The following LTBP1 variants were observed in gnomAD, a reference collection of about 807,000 sequenced individuals.
LTBP1 encodes the protein latent-transforming growth factor beta-binding protein 1.
A neutral mutation model predicts 207.6 loss-of-function variants in LTBP1; 129 were observed. That is an observed-to-expected ratio of 0.62 (90% CI 0.54 to 0.72). The LOEUF (loss-of-function observed/expected upper bound fraction) is 0.72, where lower values mean the gene tolerates loss of function less well. Ranked by LOEUF, LTBP1 falls within the 30% of genes least tolerant of loss-of-function variation. The pLI is 0.00. For missense variants in LTBP1, 2,281 were observed against 2,217.2 expected (o/e 1.03, Z -0.58); for synonymous variants, 963 against 833.7 (o/e 1.16, Z -2.67).
chr2:33,329,418 TTTAA>T (rs1273927061), intron 24 of LTBP1, among the ~76,000 whole-genome samples: 2 of 152,174 alleles, frequency 1.3e-5, no homozygotes, highest in Non-Finnish European at 2.9e-5. Flanking sequence ...AGTCCAGTGT[TTTAA>T]TTGTTTTATT....
intron 31 of LTBP1, among the ~76,000 whole-genome samples, chr2:33,377,009 C>T (rs1032523554): frequency 4.6e-5 from 7 of 152,094 alleles, no homozygotes; most frequent in Admixed American, 1.3e-4. Flanking sequence ...AAGCAATGGG[C>T]AAGGAAGCCA....
At chr2:32,979,309 C>G (rs919408590) in intron 2 of LTBP1, among the ~76,000 whole-genome samples, 2 of 151,460 alleles carry the variant, frequency 1.3e-5, no homozygotes, top group African/African-American at 4.8e-5. Flanking sequence ...TAAAGTTTTT[C>G]TACTTTTTTG....
At chr2:33,251,432 G>T (rs142122265) in intron 10 of LTBP1, among the ~76,000 whole-genome samples, 17 of 152,096 alleles carry the variant, frequency 1.1e-4, no homozygotes, top group Admixed American at 4.6e-4. Context: ...AGGCCGAGGC[G>T]TGCGGATCAC....
intron 4 of LTBP1, among the ~76,000 whole-genome samples, chr2:33,111,991 T>C (rs2080439645): frequency 6.6e-6 from 1 of 152,240 alleles, no homozygotes; most frequent in African/African-American, 2.4e-5. Context: ...TTCTTGAGTA[T>C]ATGTGTAATA....
intron 10 of LTBP1, among the ~76,000 whole-genome samples, chr2:33,245,589 T>G (rs817535): frequency 6.6e-6 from 1 of 151,948 alleles, no homozygotes; most frequent in Non-Finnish European, 1.5e-5. Context: ...GTGGTAAAAT[T>G]AGACCATAAA....
intron 23 of LTBP1, among the ~76,000 whole-genome samples, chr2:33,314,704 T>A (rs547772069): frequency 1.3e-5 from 2 of 152,334 alleles, no homozygotes; most frequent in South Asian, 4.1e-4. Flanking sequence ...TGTCTAGCCT[T>A]GCCCTTAAGA....
intron 3 of LTBP1, among the ~76,000 whole-genome samples, chr2:33,087,722 A>G (rs1465902687): frequency 1.3e-5 from 2 of 152,354 alleles, no homozygotes; most frequent in Non-Finnish European, 2.9e-5. Flanking sequence ...CACATTGTTT[A>G]TAAAGTGCCG....
At chr2:33,222,667 T>A (rs2091191287) in intron 9 of LTBP1, among the ~76,000 whole-genome samples, 1 of 152,162 alleles carries the variant, frequency 6.6e-6, no homozygotes, top group South Asian at 2.1e-4. Context: ...GTACTTTTGT[T>A]TGGTTTATGT....
intron 24 of LTBP1, among the ~76,000 whole-genome samples, chr2:33,318,500 T>A (rs1339676440): frequency 2.0e-5 from 3 of 152,210 alleles, no homozygotes; most frequent in African/African-American, 7.2e-5. Flanking sequence ...ATACATTAAG[T>A]GTTTATAACA....
chr2:33,325,548 A>G (rs921954102), intron 24 of LTBP1, among the ~76,000 whole-genome samples: 15 of 152,230 alleles, frequency 9.9e-5, no homozygotes, highest in African/African-American at 3.4e-4. Flanking sequence ...CCAGATATAA[A>G]TACGTAAAAC....
intron 15 of LTBP1, among the ~76,000 whole-genome samples, chr2:33,270,893 T>C (rs2093306319): frequency 6.6e-6 from 1 of 152,168 alleles, no homozygotes; most frequent in South Asian, 2.1e-4. Context: ...ACAAACATTT[T>C]TTATCAAATT....
intron 5 of LTBP1, among the ~76,000 whole-genome samples, chr2:33,161,414 C>T (rs978630199): frequency 1.3e-5 from 2 of 151,870 alleles, no homozygotes; most frequent in African/African-American, 4.8e-5. Flanking sequence ...TTACAGGTGC[C>T]CGCCACCACA....
In LTBP1 at chr2:32,995,196, C is replaced by T. The variant is rs374648888; in HGVS notation, c.566-25713C>T. On this transcript the variant is annotated intron_variant, in intron 2 of 33. Coordinates refer to ENST00000404816, the MANE Select transcript of LTBP1 (RefSeq NM_206943.4). The stretch of plus-strand genomic sequence containing the variant: ...AGACCCTGTCTCCAAAAAAAAAAAC[C>T]GCTCTTCAGATGACTGTTACTCATA... Among the ~76,000 whole-genome samples, 27 of 151,726 alleles carry T rather than the reference C, an allele frequency of 1.8e-4. No homozygotes were observed. In the South Asian group the frequency reaches 2.3e-3, roughly 13 times the overall value.
At chr2:33,195,278 G>A (rs1190980277) in intron 7 of LTBP1, among the ~76,000 whole-genome samples, 1 of 152,156 alleles carries the variant, frequency 6.6e-6, no homozygotes, top group Non-Finnish European at 1.5e-5. Context: ...TGATTCCTCT[G>A]ATGGATCTGG....
chr2:33,387,051 A>AT (rs2095272077), intron 31 of LTBP1, among the ~76,000 whole-genome samples: 1 of 152,028 alleles, frequency 6.6e-6, no homozygotes, highest in Non-Finnish European at 1.5e-5. Context: ...GATAGTCTCC[A>AT]TCTCTTGATC....
At chr2:33,113,902 A>T (rs1049223451) in intron 4 of LTBP1, among the ~76,000 whole-genome samples, 3 of 152,152 alleles carry the variant, frequency 2.0e-5, no homozygotes, top group African/African-American at 7.2e-5. Context: ...GTGCAGTGGC[A>T]TGATCTCAGC....
chr2:32,968,465 CATG>C (rs1199332748), intron 2 of LTBP1, among the ~76,000 whole-genome samples: 1 of 152,144 alleles, frequency 6.6e-6, no homozygotes, highest in Non-Finnish European at 1.5e-5. Flanking sequence ...TTAGTGTTAG[CATG>C]ATATTTATTT....
chr2:33,335,776 G>C (rs921603853), intron 24 of LTBP1, among the ~76,000 whole-genome samples: 1 of 152,268 alleles, frequency 6.6e-6, no homozygotes, highest in Admixed American at 6.5e-5. Context: ...CTCCTAGCCG[G>C]CTTCCATTCC....
intron 5 of LTBP1, among the ~76,000 whole-genome samples, chr2:33,178,728 T>A (rs1558762086): frequency 6.6e-6 from 1 of 152,176 alleles, no homozygotes; most frequent in Non-Finnish European, 1.5e-5. Flanking sequence ...ATGGTTAAAA[T>A]AGTCTTTAAA....
Sources: allele counts gnomAD v4.1 joint callset (sites outside exome capture counted in the v4.1 genomes callset), GRCh38; gene constraint gnomAD v4.1.1; transcripts MANE v1.5; gene names NCBI Gene and HGNC (gene_info 2026-07-23, HGNC 2026-07-21).